The following AKAP10 variants were observed in gnomAD, a reference collection of about 807,000 sequenced individuals.
The protein encoded by AKAP10 is A-kinase anchor protein 10, mitochondrial.
Under a neutral mutation model 80.8 loss-of-function variants are expected in AKAP10, and 24 were observed. The observed-to-expected ratio is 0.30, with a 90% CI of 0.22 to 0.42. The LOEUF (loss-of-function observed/expected upper bound fraction) is 0.42. AKAP10 is among the 10% of genes least tolerant of loss of function. The probability of loss-of-function intolerance (pLI) is 1.00; values close to 1 mark genes in which losing one functional copy is unlikely to be tolerated. For missense variants in AKAP10, 661 were observed against 794.9 expected, an observed-to-expected ratio of 0.83 and a Z score of 2.03; for synonymous variants, 291 against 277.7, an observed-to-expected ratio of 1.05 and a Z score of -0.48.
chr17:19,914,076 C>T (rs2042718993), intron 12 of AKAP10, among the ~76,000 whole-genome samples: 2 of 152,152 alleles, frequency 1.3e-5, no homozygotes, highest in African/African-American at 4.8e-5. Flanking sequence ...CATGGCTCAC[C>T]GTCGCCTCAA....
At chr17:19,925,839 G>C (rs1193045213) in intron 10 of AKAP10, among the ~76,000 whole-genome samples, 2 of 152,152 alleles carry the variant, frequency 1.3e-5, no homozygotes, top group Non-Finnish European at 2.9e-5. Flanking sequence ...TATGAGGACT[G>C]TTACTCAGAT....
In AKAP10 at chr17:19,953,268, G is replaced by A. The variant is rs553483936; in HGVS notation, c.877+4746C>T. On this transcript the variant is annotated intron_variant, in intron 4 of 14. Transcript: ENST00000225737. ...GTGTAACTAAAGCAGTGGTTAGAAGGAAATTTACAGTATTAAATGCTTATC... is the reference window on the plus strand; with the variant it reads ...GTGTAACTAAAGCAGTGGTTAGAAGAAAATTTACAGTATTAAATGCTTATC... Among the ~76,000 whole-genome samples the A allele has an allele frequency of 2.2e-3, 339 of 151,810 alleles. 2 individuals carry two copies. Among genetic ancestry groups the A allele is most frequent in the Non-Finnish European group, 2.8e-3 (191 of 67,940 alleles).
At chr17:19,909,872 C>T in intron 13 of AKAP10, 54 bp downstream of exon 13, 2 of 1,544,696 alleles carry the variant, frequency 1.3e-6, no homozygotes, top group East Asian at 4.5e-5. Context: ...ACCTCACTTA[C>T]ATGAGGGTGG....
intron 14 of AKAP10, among the ~76,000 whole-genome samples, chr17:19,907,558 T>C (rs1433241383): frequency 6.6e-6 from 1 of 151,724 alleles, no homozygotes; most frequent in African/African-American, 2.4e-5. Flanking sequence ...GCTGGGACTA[T>C]AGGCACCTGC....
At chr17:19,939,628 G>C in intron 8 of AKAP10, 85 bp downstream of exon 8, 1 of 1,478,630 alleles carries the variant, frequency 6.8e-7, no homozygotes, top group Non-Finnish European at 9.2e-7. Context: ...TGACAACAGA[G>C]ACTGAGTTTA....
Position 19,962,829 on chromosome 17 carries a change from T to G in AKAP10, c.319+11A>C. 4 of 1,607,644 alleles carry G rather than the reference T, an allele frequency of 2.5e-6. No homozygotes were observed. The highest frequency in any genetic ancestry group is 3.4e-6 in the Non-Finnish European group (4 of 1,176,276). ...TCTAATACAAGTTAATAAAAAATGA[T>G]AGTTACTTACCCAGGTCACCAAAAT... On this transcript the variant is annotated intron_variant, in intron 3 of 14. Coordinates refer to ENST00000225737, the MANE Select transcript of AKAP10 (RefSeq NM_007202.4).
At chr17:19,924,207 A>G (rs907744914) in intron 11 of AKAP10, among the ~76,000 whole-genome samples, 3 of 152,198 alleles carry the variant, frequency 2.0e-5, no homozygotes, top group Non-Finnish European at 4.4e-5. Flanking sequence ...GCGGCTGCCA[A>G]TAAATGGCAG....
chr17:19,946,712 A>C (rs1428459792), intron 5 of AKAP10, among the ~76,000 whole-genome samples: 1 of 150,604 alleles, frequency 6.6e-6, no homozygotes, highest in Non-Finnish European at 1.5e-5. Context: ...CAGAAGAATA[A>C]AGTTACGTGA....
Position 19,907,014 on chromosome 17 carries a change from GTT to G in AKAP10, c.1984-784_1984-783del, listed in dbSNP as rs35907139. Among the ~76,000 whole-genome samples, 399 of 149,302 alleles carry G rather than the reference GTT, an allele frequency of 2.7e-3. 1 individual carries two copies. The highest frequency in any genetic ancestry group is 9.3e-3 in the African/African-American group (377 of 40,370). On this transcript the variant is annotated intron_variant, in intron 14 of 14. Transcript: ENST00000225737. ...ACTCAGCTAGTTCTTCGAGTCTACT[GTT>G]TTTTTTTGTTTTTTTTTTGAGACGG...
At position 19,906,157 on chromosome 17, in the gene AKAP10, A is replaced by C; in HGVS notation, c.*70T>G. ...AGTGCTGTTTTCATTGGCTGTGTTG[A>C]AGAATCCAACCAAGGGAAAAAAGTT... On this transcript the variant is annotated 3_prime_UTR_variant, in exon 15 of 15. Coordinates refer to ENST00000225737, the MANE Select transcript of AKAP10 (RefSeq NM_007202.4). The C allele has an allele frequency of 6.6e-7, 1 of 1,515,128 alleles. No individual in the cohort carries two copies. Among genetic ancestry groups the C allele is most frequent in the Non-Finnish European group, 9.1e-7 (1 of 1,094,400 alleles). 93.9% of individuals were successfully genotyped at this position (1,515,128 alleles called of 1,614,324 possible).
At chr17:19,921,753 A>C (rs563781859) in intron 11 of AKAP10, among the ~76,000 whole-genome samples, 8 of 152,120 alleles carry the variant, frequency 5.3e-5, no homozygotes, top group Non-Finnish European at 1.2e-4. Flanking sequence ...GATCCTCTGT[A>C]ATACTGGGTA....
At chr17:19,970,096 G>A (rs972505474) in intron 1 of AKAP10, among the ~76,000 whole-genome samples, 1 of 152,034 alleles carries the variant, frequency 6.6e-6, no homozygotes, top group Non-Finnish European at 1.5e-5. Context: ...AATTCATATA[G>A]CTAACCACCT....
chr17:19,912,030 CCTT>C (rs2042696765), intron 12 of AKAP10, among the ~76,000 whole-genome samples: 1 of 152,064 alleles, frequency 6.6e-6, no homozygotes, highest in Non-Finnish European at 1.5e-5. Flanking sequence ...TTTTACAATT[CCTT>C]CTTGTTACAC....
At position 19,964,336 on chromosome 17, in the gene AKAP10, A is replaced by G. The variant is rs142222675; in HGVS notation, c.137-1314T>C. 6.0e-4 allele frequency among the ~76,000 whole-genome samples: 92 copies of G among 152,208 alleles called. 1 individual carries two copies. The highest frequency in any genetic ancestry group is 2.1e-3 in the African/African-American group (88 of 41,508). On this transcript the variant is annotated intron_variant, in intron 2 of 14. Transcript: ENST00000225737. ...TTTTACCACTCCTTCCTGATAGTCT[A>G]TCTTTCTTGGTCTCCATGGTATTAT...
At chr17:19,943,744 G>A (rs2043074194) in intron 5 of AKAP10, among the ~76,000 whole-genome samples, 1 of 152,228 alleles carries the variant, frequency 6.6e-6, no homozygotes, top group East Asian at 1.9e-4. Context: ...AGAAGCACAG[G>A]CCACAACTTG....
rs1267687380 is a variant in AKAP10, at chr17:19,977,743, T to C, written c.-64A>G. ...CTGCACTAGCGCGAAAAGGGACCCT[T>C]CTTCCGGGAGTGGGCCCCACCGCCT... On this transcript the variant is annotated 5_prime_UTR_variant, in exon 1 of 15. Transcript: ENST00000225737. 9.3e-7 allele frequency: 1 copy of C among 1,080,482 alleles called. No homozygotes were observed. Among genetic ancestry groups the C allele is most frequent in the Admixed American group, 4.3e-5 (1 of 23,516 alleles). The allele number at this position is 1,080,482 out of a possible 1,614,324, so 66.9% of individuals were successfully genotyped here.
At chr17:19,959,932 T>G (rs993175578) in intron 3 of AKAP10, among the ~76,000 whole-genome samples, 1 of 152,190 alleles carries the variant, frequency 6.6e-6, no homozygotes, top group African/African-American at 2.4e-5. Flanking sequence ...TAATGCTAGA[T>G]TCACATGAAG....
At chr17:19,926,872 G>A (rs962039983) in intron 10 of AKAP10, among the ~76,000 whole-genome samples, 2 of 152,158 alleles carry the variant, frequency 1.3e-5, no homozygotes, top group African/African-American at 2.4e-5. Context: ...TGTAATCCCA[G>A]CACTTTGGGA....
At chr17:19,936,243 A>G in intron 9 of AKAP10, 43 bp downstream of exon 9, 1 of 1,582,380 alleles carries the variant, frequency 6.3e-7, no homozygotes, top group African/African-American at 1.4e-5. Context: ...AGTTCTACCA[A>G]TAAAACTTCT....
Sources: allele counts gnomAD v4.1 joint callset (sites outside exome capture counted in the v4.1 genomes callset), GRCh38; gene constraint gnomAD v4.1.1; transcripts MANE v1.5; gene names NCBI Gene and HGNC (gene_info 2026-07-23, HGNC 2026-07-21).